Variants in ZNF763 observed in about 807,000 individuals in gnomAD.
ZNF763 encodes zinc finger protein 763, also known as DNA-binding protein.
ZNF763 carries 33 observed loss-of-function variants against 38.0 expected under a neutral mutation model. The ratio of observed to expected loss-of-function variants is 0.87; its 90% CI spans 0.66 to 1.16. ZNF763 has a LOEUF of 1.16. ZNF763 is among the 50% of genes most tolerant of loss of function. The pLI is 0.00. For missense variants in ZNF763, 423 were observed against 469.1 expected (o/e 0.90, Z 0.91); for synonymous variants, 155 against 160.1 (o/e 0.97, Z 0.24).
chr19:11,965,419 C>T (rs1403896970), intron 1 of ZNF763, among the ~76,000 whole-genome samples: 1 of 152,198 alleles, frequency 6.6e-6, no homozygotes, highest in Non-Finnish European at 1.5e-5. Flanking sequence ...CCTGTCCCTG[C>T]GCGGTGACTG....
chr19:11,979,775 C>A lies in ZNF763; in HGVS notation c.*666C>A. The stretch of plus-strand genomic sequence containing the variant: ...ACACCTTCGAATCCATGGTAGAACT[C>A]ACACTGGAGAGAAACCCTATGAGTG... On this transcript the variant is annotated 3_prime_UTR_variant, in exon 4 of 4. Transcript: ENST00000358987. The A allele has an allele frequency of 6.3e-7, 1 of 1,581,092 alleles. No homozygotes were observed. Among genetic ancestry groups the A allele is most frequent in the Admixed American group, 1.7e-5 (1 of 59,392 alleles).
At position 11,965,042 on chromosome 19, in the gene ZNF763, G is replaced by A. The variant is rs1973194760; in HGVS notation, c.-167G>A. On this transcript the variant is annotated 5_prime_UTR_variant, in exon 1 of 4. Coordinates refer to ENST00000358987, the MANE Select transcript of ZNF763 (RefSeq NM_001367172.2). ...CAGGCACAGAGTGGGTCGCATTCCTGTCCTCACCTTTGTCCTTGCGCAGCC... is the reference window on the plus strand; with the variant it reads ...CAGGCACAGAGTGGGTCGCATTCCTATCCTCACCTTTGTCCTTGCGCAGCC... The A allele has an allele frequency of 1.3e-6, 1 of 796,910 alleles. No homozygotes were observed. The highest frequency in any genetic ancestry group is 2.1e-6 in the Non-Finnish European group (1 of 482,672). The allele number at this position is 796,910 out of a possible 1,614,324, so 49.4% of individuals were successfully genotyped here.
At chr19:11,976,840 T>G in intron 1 of ZNF763, 198 bp from the exon 2 acceptor site, 2 of 1,417,438 alleles carry the variant, frequency 1.4e-6, no homozygotes, top group Non-Finnish European at 9.2e-7. Flanking sequence ...GGCAACAAGT[T>G]GTTGTTTTGA....
chr19:11,966,429 A>G (rs979494401), intron 1 of ZNF763, among the ~76,000 whole-genome samples: 3 of 152,158 alleles, frequency 2.0e-5, no homozygotes, highest in African/African-American at 7.2e-5. Flanking sequence ...GCTGGAGTGC[A>G]ATGGCTGGAT....
chr19:11,965,089 C>A lies in ZNF763; in HGVS notation c.-120C>A. The A allele has an allele frequency of 3.0e-6, 4 of 1,329,298 alleles. No individual in the cohort carries two copies. Among genetic ancestry groups the A allele is most frequent in the Non-Finnish European group, 4.3e-6 (4 of 931,338 alleles). The allele number at this position is 1,329,298 out of a possible 1,614,324, so 82.3% of individuals were successfully genotyped here. On this transcript the variant is annotated 5_prime_UTR_variant, in exon 1 of 4. Transcript: ENST00000358987. Reference sequence around the variant, plus strand: ...AGCCGGTGGTTGATATCCGCTGTATCCATCCCCGAGAGGGACCTGGTACCT... The same window carrying A: ...AGCCGGTGGTTGATATCCGCTGTATACATCCCCGAGAGGGACCTGGTACCT...
At position 11,979,113 on chromosome 19, in the gene ZNF763, T is replaced by G; in HGVS notation, c.*4T>G. 1 of 1,613,656 alleles carries G rather than the reference T, an allele frequency of 6.2e-7. No individual in the cohort carries two copies. The highest frequency in any genetic ancestry group is 8.5e-7 in the Non-Finnish European group (1 of 1,179,920). ...GCTCTGGAGAAAGACCTTATAAATG[T>G]TAGATATGTGGGAAAGGCCTTTATT... On this transcript the variant is annotated 3_prime_UTR_variant, in exon 4 of 4. Transcript: ENST00000358987.
chr19:11,972,278 G>C (rs1189183241), intron 1 of ZNF763, among the ~76,000 whole-genome samples: 1 of 151,540 alleles, frequency 6.6e-6, no homozygotes, highest in Non-Finnish European at 1.5e-5. Context: ...GAATGAGCCT[G>C]AGACCCTGTT....
At chr19:11,976,256 C>A (rs1399179391) in intron 1 of ZNF763, among the ~76,000 whole-genome samples, 1 of 151,612 alleles carries the variant, frequency 6.6e-6, no homozygotes, top group Admixed American at 6.6e-5. Flanking sequence ...GACTCTATTA[C>A]GACAGGTGCT....
At chr19:11,974,645 C>G (rs949295561) in intron 1 of ZNF763, among the ~76,000 whole-genome samples, 1 of 149,588 alleles carries the variant, frequency 6.7e-6, no homozygotes, top group African/African-American at 2.5e-5. Flanking sequence ...CTCTGTCGCC[C>G]AGGCTGGAGT....
intron 1 of ZNF763, among the ~76,000 whole-genome samples, chr19:11,968,602 G>T (rs900993860): frequency 6.6e-6 from 1 of 152,122 alleles, no homozygotes; most frequent in Non-Finnish European, 1.5e-5. Flanking sequence ...TTTCTTTCTA[G>T]CTGGTTTATA....
chr19:11,979,489 T>C lies in ZNF763; in HGVS notation c.*380T>C, dbSNP rs1973575116. The C allele has an allele frequency of 3.7e-6, 6 of 1,602,074 alleles. No individual in the cohort carries two copies. Among genetic ancestry groups the C allele is most frequent in the Non-Finnish European group, 5.1e-6 (6 of 1,171,862 alleles). On this transcript the variant is annotated 3_prime_UTR_variant, in exon 4 of 4. Transcript: ENST00000358987. The stretch of plus-strand genomic sequence containing the variant: ...GTAAGACATGTGGGAAAGGCTTTTA[T>C]TCTCCCACGTCATTTCAAAGACATG...
At chr19:11,965,977 G>C (rs1973220398) in intron 1 of ZNF763, among the ~76,000 whole-genome samples, 1 of 152,158 alleles carries the variant, frequency 6.6e-6, no homozygotes, top group Non-Finnish European at 1.5e-5. Context: ...TTGATTGAGA[G>C]TGTGAAGTTT....
Position 11,979,454 on chromosome 19 carries a change from C to T in ZNF763, c.*345C>T. 1 of 1,604,906 alleles carries T rather than the reference C, an allele frequency of 6.2e-7. No individual in the cohort carries two copies. The highest frequency in any genetic ancestry group is 8.5e-7 in the Non-Finnish European group (1 of 1,174,716). On this transcript the variant is annotated 3_prime_UTR_variant, in exon 4 of 4. Transcript: ENST00000358987. ...CATAAGAATACACTCTGGAGAAAGA[C>T]CTTATAAATGTAAGACATGTGGGAA...
intron 1 of ZNF763, among the ~76,000 whole-genome samples, chr19:11,975,111 T>C (rs1039490248): frequency 6.6e-6 from 1 of 151,640 alleles, no homozygotes; most frequent in Admixed American, 6.6e-5. Context: ...TTTTTTTTTC[T>C]CGTTGAGACT....
At position 11,977,402 on chromosome 19, in the gene ZNF763, T is replaced by A. The variant is rs1973518885; in HGVS notation, c.162T>A (p.Tyr54Ter). 6.2e-7 allele frequency: 1 copy of A among 1,613,958 alleles called. No individual in the cohort carries two copies. ...GKKWKDQNIEYEYQNPRRNFR... is the reference protein window; with the variant it reads ...GKKWKDQNIE ...AGTGGAAAGACCAGAACATTGAATA[T>A]GAGTACCAAAACCCCAGGAGAAACT... is the stretch of plus-strand genomic sequence containing the variant. Residue 54 changes from tyrosine (Y) to a stop codon, truncating the protein, a stop_gained, in exon 3 of 4, where the codon TAT becomes TAA. Transcript: ENST00000358987. LOFTEE classifies it high-confidence loss of function.
At chr19:11,972,500 T>C (rs548710786) in intron 1 of ZNF763, among the ~76,000 whole-genome samples, 1 of 152,276 alleles carries the variant, frequency 6.6e-6, no homozygotes, top group East Asian at 1.9e-4. Context: ...CAAATAATGA[T>C]GGAGCCAGTA....
intron 1 of ZNF763, among the ~76,000 whole-genome samples, chr19:11,972,884 G>T (rs944506602): frequency 1.3e-5 from 2 of 151,340 alleles, no homozygotes; most frequent in African/African-American, 2.4e-5. Flanking sequence ...TTGAACTGCA[G>T]TGTTGGAGTT....
In ZNF763 at chr19:11,978,327, G is replaced by A. The variant is rs370834817; in HGVS notation, c.403G>A (p.Glu135Lys). Reference protein sequence around the residue: ...IRGDIGHKAYEYQDYAPKPYK... With the variant: ...IRGDIGHKAYKYQDYAPKPYK... ...AGGTGACATTGGGCACAAGGCATAC[G>A]AGTATCAGGACTATGCACCAAAGCC... is the stretch of plus-strand genomic sequence containing the variant. The change falls in exon 4 of 4, where the codon GAG (glutamate) becomes AAG (lysine). Residue 135 changes from glutamate (E) to lysine (K), a missense_variant. Transcript: ENST00000358987. 13 of 1,613,976 alleles carry A rather than the reference G, an allele frequency of 8.1e-6. No individual in the cohort carries two copies. Among genetic ancestry groups the A allele is most frequent in the South Asian group, 1.1e-5 (1 of 91,084 alleles).
intron 1 of ZNF763, among the ~76,000 whole-genome samples, chr19:11,974,110 TTTCTTTCTTTCTTTCTTTTC>T (rs1331770849): frequency 0.014 from 1,388 of 101,012 alleles, 22 homozygotes; most frequent in Non-Finnish European, 0.014. Context: ...TCTTTCTTTC[TTTCTTTCTTTCTTTCTTTTC>T]TTTCTTTCTT....
Sources: gnomAD v4.1 joint callset for allele counts (sites outside exome capture counted in the v4.1 genomes callset) on GRCh38, gnomAD v4.1.1 for gene constraint, MANE v1.5 for transcripts, NCBI Gene and HGNC (gene_info 2026-07-23, HGNC 2026-07-21) for gene names.